The following ARHGAP25 variants were observed in gnomAD, a reference collection of about 807,000 sequenced individuals.
ARHGAP25 encodes rho GTPase-activating protein 25.
ARHGAP25 carries 34 observed loss-of-function variants against 71.0 expected under a neutral mutation model. The ratio of observed to expected loss-of-function variants is 0.48; its 90% CI spans 0.36 to 0.64. The LOEUF is 0.64. Ranked by LOEUF, ARHGAP25 falls within the 30% of genes least tolerant of loss-of-function variation. The pLI is 0.00. For synonymous variants in ARHGAP25, 282 were observed against 296.5 expected, an observed-to-expected ratio of 0.95 and a Z score of 0.50; for missense variants, 706 against 805.1, an observed-to-expected ratio of 0.88 and a Z score of 1.49.
intron 2 of ARHGAP25, among the ~76,000 whole-genome samples, chr2:68,778,039 G>A (rs905241916): frequency 9.2e-5 from 14 of 151,972 alleles, no homozygotes; most frequent in Admixed American, 9.2e-4. Flanking sequence ...TTATGTCAAA[G>A]CAATCTATTA....
At chr2:68,789,600 A>G (rs1679021751) in intron 4 of ARHGAP25, among the ~76,000 whole-genome samples, 1 of 152,116 alleles carries the variant, frequency 6.6e-6, no homozygotes, top group Non-Finnish European at 1.5e-5. Flanking sequence ...CTTAGCTGTG[A>G]CCATCCTTAT....
At chr2:68,776,727 C>G (rs1006454660) in intron 2 of ARHGAP25, among the ~76,000 whole-genome samples, 5 of 152,214 alleles carry the variant, frequency 3.3e-5, no homozygotes, top group Middle Eastern at 3.4e-3. Context: ...TGTCACCCAC[C>G]TAGAACTCAT....
chr2:68,799,076 G>A (rs899911476), intron 4 of ARHGAP25, among the ~76,000 whole-genome samples: 2 of 152,198 alleles, frequency 1.3e-5, no homozygotes, highest in Admixed American at 6.5e-5. Flanking sequence ...AAGGACAGAT[G>A]GTGGGTTGGA....
intron 4 of ARHGAP25, among the ~76,000 whole-genome samples, chr2:68,788,874 T>G (rs74883626): frequency 6.6e-6 from 1 of 152,160 alleles, no homozygotes; most frequent in Admixed American, 6.5e-5. Flanking sequence ...GGCCTACAGC[T>G]TCCTTCAGAA....
chr2:68,727,576 G>A (rs1674915850), intron 2 of ARHGAP25, among the ~76,000 whole-genome samples: 1 of 152,174 alleles, frequency 6.6e-6, no homozygotes, highest in Non-Finnish European at 1.5e-5. Context: ...GCCATGGCCA[G>A]GGACCTCCTG....
At chr2:68,759,247 T>A (rs1250685962) in intron 1 of ARHGAP25, among the ~76,000 whole-genome samples, 1 of 149,628 alleles carries the variant, frequency 6.7e-6, no homozygotes, top group African/African-American at 2.5e-5. Context: ...CAGAGACAAA[T>A]GAAATATAGA....
chr2:68,800,739 T>C (rs1206343945), intron 4 of ARHGAP25, among the ~76,000 whole-genome samples: 2 of 152,134 alleles, frequency 1.3e-5, no homozygotes, highest in Non-Finnish European at 2.9e-5. Flanking sequence ...AATGGAACAA[T>C]AATATTTACT....
chr2:68,720,615 A>G (rs889712754), intron 2 of ARHGAP25, among the ~76,000 whole-genome samples: 5 of 152,164 alleles, frequency 3.3e-5, no homozygotes, highest in Non-Finnish European at 7.3e-5. Context: ...GACTTTCTCT[A>G]CGCTAGATGT....
chr2:68,738,825 A>G lies in ARHGAP25; in HGVS notation c.61+3565A>G, dbSNP rs1334157429. On this transcript the variant is annotated intron_variant, in intron 1 of 10. Transcript: ENST00000409202. ...GACAGAGCAAGACTCTGTCTCAAGA[A>G]AAAAAAAAAAAAAAGAATATGAACA... Among the ~76,000 whole-genome samples, 3 of 140,258 alleles carry G rather than the reference A, an allele frequency of 2.1e-5. No individual in the cohort carries two copies. In the East Asian group the frequency reaches 6.2e-4, roughly 29 times the overall value. The allele number at this position is 140,258 out of a possible 152,430, so 92.0% of individuals were successfully genotyped here.
intron 9 of ARHGAP25, chr2:68,819,870 T>C (rs1243811513): frequency 5.1e-6 from 1 of 197,880 alleles, no homozygotes; most frequent in Non-Finnish European, 1.0e-5. Context: ...CTCTGAAATG[T>C]AGACCTCGTG....
upstream of ARHGAP25, among the ~76,000 whole-genome samples, chr2:68,731,617 A>C (rs1675021441): frequency 6.6e-6 from 1 of 151,142 alleles, no homozygotes; most frequent in Admixed American, 6.6e-5. Flanking sequence ...CCTCAGCCCC[A>C]CCCCTTTCAT....
rs143944095 is a variant in ARHGAP25, at chr2:68,775,305, A to G, written c.146A>G (p.Lys49Arg). Reference protein sequence around the residue: ...STPNPLERPIKMGWLKKQRSI... With the variant: ...STPNPLERPIRMGWLKKQRSI... The stretch of plus-strand genomic sequence containing the variant: ...CCCAACCCGCTGGAGAGGCCCATCA[A>G]GATGGGCTGGCTGAAGAAGCAGAGG... Residue 49 changes from lysine (K) to arginine (R), a missense_variant, in exon 2 of 11, where the codon AAG becomes AGG. Physicochemically the swap from Lys to Arg is conservative, Grantham distance 26. Coordinates refer to ENST00000409202, the MANE Select transcript of ARHGAP25 (RefSeq NM_001007231.3). 6.8e-6 allele frequency: 11 copies of G among 1,614,132 alleles called. No homozygotes were observed. In the African/African-American group the frequency reaches 1.1e-4, roughly 16 times the overall value.
intron 4 of ARHGAP25, among the ~76,000 whole-genome samples, chr2:68,788,408 A>G (rs1409133716): frequency 6.6e-6 from 1 of 152,258 alleles, no homozygotes; most frequent in Non-Finnish European, 1.5e-5. Flanking sequence ...GTTAGACTGC[A>G]TAAGTCAGCA....
chr2:68,759,409 T>A (rs1032280852), intron 1 of ARHGAP25, among the ~76,000 whole-genome samples: 1 of 151,706 alleles, frequency 6.6e-6, no homozygotes, highest in East Asian at 1.9e-4. Context: ...TATTACCACC[T>A]ATTCTACAGA....
At chr2:68,799,089 C>T (rs931842725) in intron 4 of ARHGAP25, among the ~76,000 whole-genome samples, 5 of 152,084 alleles carry the variant, frequency 3.3e-5, no homozygotes, top group South Asian at 2.1e-4. Context: ...GGGTTGGACA[C>T]GGGTGGTGGC....
At chr2:68,768,211 C>T (rs1340932812) in intron 1 of ARHGAP25, among the ~76,000 whole-genome samples, 2 of 152,180 alleles carry the variant, frequency 1.3e-5, no homozygotes, top group Non-Finnish European at 2.9e-5. Flanking sequence ...CATTAAATGA[C>T]ACAGCTCTAT....
At chr2:68,750,905 T>C (rs1410402203) in intron 1 of ARHGAP25, among the ~76,000 whole-genome samples, 1 of 152,128 alleles carries the variant, frequency 6.6e-6, no homozygotes, top group African/African-American at 2.4e-5. Context: ...ATGTGAGTAG[T>C]GAGGAGGAGG....
intron 4 of ARHGAP25, among the ~76,000 whole-genome samples, chr2:68,804,596 T>C (rs1325529212): frequency 2.6e-5 from 4 of 152,218 alleles, no homozygotes; most frequent in African/African-American, 9.7e-5. Flanking sequence ...TATGTTATTT[T>C]CATAACTTGT....
At chr2:68,775,448 A>G (rs771451009) in intron 2 of ARHGAP25, 28 bp downstream of exon 2, 3 of 1,613,844 alleles carry the variant, frequency 1.9e-6, no homozygotes, top group South Asian at 1.1e-5. Flanking sequence ...TGTCCCGTTC[A>G]TAAGGCACGG....
Sources: allele counts gnomAD v4.1 joint callset (sites outside exome capture counted in the v4.1 genomes callset), GRCh38; gene constraint gnomAD v4.1.1; transcripts MANE v1.5; gene names NCBI Gene and HGNC (gene_info 2026-07-23, HGNC 2026-07-21).